DAPK1: variants seen among roughly 807,000 people sequenced by gnomAD.
The protein encoded by DAPK1 is death associated protein kinase 1.
Under a neutral mutation model 144.9 loss-of-function variants are expected in DAPK1, and 56 were observed. The ratio of observed to expected loss-of-function variants is 0.39; its 90% CI spans 0.31 to 0.48. DAPK1 has a LOEUF of 0.48. DAPK1 is among the 20% of genes least tolerant of loss of function. The probability of loss-of-function intolerance (pLI) is 0.95; values close to 1 mark genes in which losing one functional copy is unlikely to be tolerated. For synonymous variants in DAPK1, 690 were observed against 749.0 expected, an observed-to-expected ratio of 0.92 and a Z score of 1.29; for missense variants, 1,454 against 1,875.4, an observed-to-expected ratio of 0.78 and a Z score of 4.15.
At chr9:87,543,909 C>T (rs1046607356) in intron 2 of DAPK1, among the ~76,000 whole-genome samples, 10 of 151,986 alleles carry the variant, frequency 6.6e-5, no homozygotes, top group Non-Finnish European at 1.0e-4. Flanking sequence ...TTCATGTGGC[C>T]TTAATTAGCA....
intron 21 of DAPK1, among the ~76,000 whole-genome samples, chr9:87,692,295 T>G (rs2117971529): frequency 6.6e-6 from 1 of 152,168 alleles, no homozygotes; most frequent in Middle Eastern, 3.4e-3. Flanking sequence ...ACAGCAACTT[T>G]CGCTCACTTT....
rs540712475 is a variant in DAPK1, at chr9:87,685,639, G to T, written c.2225-912G>T. ...CAGGCCAGTGAGTAACTGAGACAGT[G>T]AGGAAGCACAGGCTCTATGCCTAAA... On this transcript the variant is annotated intron_variant, in intron 20 of 25. Coordinates refer to ENST00000408954, the MANE Select transcript of DAPK1 (RefSeq NM_004938.4). Among the ~76,000 whole-genome samples, 7 of 152,322 alleles carry T rather than the reference G, an allele frequency of 4.6e-5. No homozygotes were observed. The South Asian group carries it at 1.2e-3, about 27-fold the overall frequency.
intron 2 of DAPK1, among the ~76,000 whole-genome samples, chr9:87,508,345 G>T (rs1008806741): frequency 6.8e-4 from 93 of 137,400 alleles, no homozygotes; most frequent in African/African-American, 2.6e-3. Context: ...AGATTGTCAG[G>T]ATTTTTTTTT....
chr9:87,514,700 C>G (rs12347365), intron 2 of DAPK1, among the ~76,000 whole-genome samples: 37,804 of 152,038 alleles, frequency 0.25, 5,288 homozygotes, highest in East Asian at 0.43. Context: ...GTAACAGATA[C>G]AAAGATGAAG....
Position 87,640,891 on chromosome 9 carries a change from A to G in DAPK1, c.828+44A>G, listed in dbSNP as rs761409702. On this transcript the variant is annotated intron_variant, in intron 9 of 25. Coordinates refer to ENST00000408954, the MANE Select transcript of DAPK1 (RefSeq NM_004938.4). ...AACTGTTTAGATCACTTTCTATGTG[A>G]TTGGTTTGGGCACCCTGGTATTCAT... is the stretch of plus-strand genomic sequence containing the variant. 50 of 1,594,762 alleles carry G rather than the reference A, an allele frequency of 3.1e-5. No homozygotes were observed. In the East Asian group the frequency reaches 7.8e-4, roughly 25 times the overall value.
At chr9:87,611,772 T>C (rs1365479709) in intron 3 of DAPK1, among the ~76,000 whole-genome samples, 4 of 152,194 alleles carry the variant, frequency 2.6e-5, no homozygotes, top group Non-Finnish European at 4.4e-5. Context: ...CAATTTTTCC[T>C]TTTTTCCTAA....
At chr9:87,512,712 C>T (rs941824597) in intron 2 of DAPK1, among the ~76,000 whole-genome samples, 13 of 151,824 alleles carry the variant, frequency 8.6e-5, no homozygotes, top group Non-Finnish European at 1.3e-4. Flanking sequence ...GGTGTAATCT[C>T]GGCTCACTGC....
intron 24 of DAPK1, among the ~76,000 whole-genome samples, chr9:87,702,486 A>G (rs1395509354): frequency 6.6e-6 from 1 of 152,184 alleles, no homozygotes; most frequent in Non-Finnish European, 1.5e-5. Flanking sequence ...TCATAAAGTG[A>G]TCATTGCCTG....
At chr9:87,498,773 A>C in intron 1 of DAPK1, 197 bp from the exon 2 acceptor site, 14 of 430,302 alleles carry the variant, frequency 3.3e-5, no homozygotes, top group East Asian at 2.0e-4. Context: ...GCCCGGCCCC[A>C]CGCGCGCGCG....
At chr9:87,628,494 C>T (rs1382468796) in intron 3 of DAPK1, among the ~76,000 whole-genome samples, 1 of 152,146 alleles carries the variant, frequency 6.6e-6, no homozygotes, top group Non-Finnish European at 1.5e-5. Context: ...TGTGTCCCAG[C>T]TTCAGTTTTC....
At chr9:87,566,633 C>G (rs371135190) in intron 2 of DAPK1, among the ~76,000 whole-genome samples, 10 of 152,162 alleles carry the variant, frequency 6.6e-5, no homozygotes, top group African/African-American at 2.4e-4. Flanking sequence ...GTAGTGATGG[C>G]TACAGAACTA....
intron 2 of DAPK1, among the ~76,000 whole-genome samples, chr9:87,507,930 A>C (rs561965768): frequency 6.6e-6 from 1 of 152,306 alleles, no homozygotes; most frequent in South Asian, 2.1e-4. Flanking sequence ...TGATATTATA[A>C]ATTTTCACCT....
chr9:87,560,980 T>C (rs1279305851), intron 2 of DAPK1, among the ~76,000 whole-genome samples: 1 of 152,148 alleles, frequency 6.6e-6, no homozygotes, highest in Non-Finnish European at 1.5e-5. Context: ...TGTGCTTCCT[T>C]TTTAAAGGCT....
intron 3 of DAPK1, among the ~76,000 whole-genome samples, chr9:87,609,885 C>G (rs901043718): frequency 2.0e-5 from 3 of 152,120 alleles, no homozygotes; most frequent in African/African-American, 7.2e-5. Context: ...AAGCGGGTCC[C>G]CTTGTTGAAA....
At chr9:87,660,638 C>G (rs1830811421) in intron 18 of DAPK1, among the ~76,000 whole-genome samples, 1 of 151,998 alleles carries the variant, frequency 6.6e-6, no homozygotes, top group African/African-American at 2.4e-5. Context: ...GCTTCCCTCC[C>G]CTTCACCCCT....
At chr9:87,540,429 A>G (rs551530373) in intron 2 of DAPK1, among the ~76,000 whole-genome samples, 1 of 152,188 alleles carries the variant, frequency 6.6e-6, no homozygotes, top group East Asian at 1.9e-4. Context: ...AACCTCAGGT[A>G]ATCCTCTCGC....
intron 21 of DAPK1, among the ~76,000 whole-genome samples, chr9:87,692,704 A>G (rs1033789468): frequency 2.6e-5 from 4 of 152,054 alleles, no homozygotes; most frequent in African/African-American, 7.2e-5. Flanking sequence ...CCAGGTGTAG[A>G]ACTCCTTTAA....
chr9:87,639,929 A>G (rs1830039461), intron 7 of DAPK1, 114 bp downstream of exon 7: 4 of 1,146,834 alleles, frequency 3.5e-6, no homozygotes, highest in Non-Finnish European at 5.0e-6. Flanking sequence ...TTTTGATGCA[A>G]ACATATTCAT....
intron 2 of DAPK1, among the ~76,000 whole-genome samples, chr9:87,542,195 T>C (rs1446805384): frequency 6.6e-6 from 1 of 152,226 alleles, no homozygotes; most frequent in Non-Finnish European, 1.5e-5. Context: ...AGTGAAAGAT[T>C]AATACTGAGT....
Sources: allele counts gnomAD v4.1 joint callset (sites outside exome capture counted in the v4.1 genomes callset), GRCh38; gene constraint gnomAD v4.1.1; transcripts MANE v1.5; gene names NCBI Gene and HGNC (gene_info 2026-07-23, HGNC 2026-07-21).